Variants in MARCO observed in about 807,000 individuals in gnomAD.
MARCO encodes the protein macrophage receptor MARCO.
A neutral mutation model predicts 70.0 loss-of-function variants in MARCO; 72 were observed. The observed-to-expected ratio is 1.03, with a 90% CI of 0.85 to 1.25. The LOEUF (loss-of-function observed/expected upper bound fraction) is 1.25. Among genes scored for constraint, MARCO ranks in the 50% most tolerant of loss-of-function variants. The pLI is 0.00. For missense variants in MARCO, 696 were observed against 659.3 expected (o/e 1.06, Z -0.61); for synonymous variants, 273 against 243.1 (o/e 1.12, Z -1.14).
chr2:118,986,726 G>GAA (rs138583493), intron 12 of MARCO, among the ~76,000 whole-genome samples: 4 of 107,744 alleles, frequency 3.7e-5, no homozygotes, highest in Middle Eastern at 4.3e-3. Context: ...AGAAAGAAAA[G>GAA]AAAGAAAGAA....
intron 1 of MARCO, among the ~76,000 whole-genome samples, chr2:118,954,398 C>T (rs112558042): frequency 1.5e-3 from 231 of 152,284 alleles, no homozygotes; most frequent in African/African-American, 5.4e-3. Context: ...CTATCCCCCA[C>T]GGCAGCTGCA....
At chr2:118,974,291 C>T (rs866045036) in intron 4 of MARCO, 42 bp from the exon 5 acceptor site, 1 of 1,197,750 alleles carries the variant, frequency 8.3e-7, no homozygotes, top group Non-Finnish European at 1.2e-6. Context: ...GTTGCCCCAT[C>T]CTGTTGACTG....
At chr2:118,959,538 G>A (rs1380650210) in intron 1 of MARCO, among the ~76,000 whole-genome samples, 1 of 152,152 alleles carries the variant, frequency 6.6e-6, no homozygotes, top group African/African-American at 2.4e-5. Context: ...CTGCTGGTAG[G>A]AATGTAAACT....
At chr2:118,964,858 A>AGC (rs1456178167) in intron 1 of MARCO, among the ~76,000 whole-genome samples, 1 of 149,906 alleles carries the variant, frequency 6.7e-6, no homozygotes, top group Non-Finnish European at 1.5e-5. Context: ...AGTACACTCC[A>AGC]GCCTGGGCGA....
intron 1 of MARCO, among the ~76,000 whole-genome samples, chr2:118,964,559 C>T (rs1680007506): frequency 6.6e-6 from 1 of 152,144 alleles, no homozygotes; most frequent in South Asian, 2.1e-4. Flanking sequence ...CATCTGTTCT[C>T]CATAGTTTCT....
chr2:118,993,004 T>C, intron 15 of MARCO, 120 bp from the exon 16 acceptor site: 2 of 914,874 alleles, frequency 2.2e-6, no homozygotes, highest in Non-Finnish European at 3.4e-6. Context: ...CTGGTGACAG[T>C]CAAGCAGGGG....
At chr2:118,970,687 G>T (rs1431975485) in intron 3 of MARCO, among the ~76,000 whole-genome samples, 1 of 152,182 alleles carries the variant, frequency 6.6e-6, no homozygotes, top group Admixed American at 6.5e-5. Context: ...CTGGGGGAAA[G>T]GTGGTGACTT....
At chr2:118,984,400 A>G (rs1335065690) in intron 12 of MARCO, among the ~76,000 whole-genome samples, 1 of 152,162 alleles carries the variant, frequency 6.6e-6, no homozygotes, top group Non-Finnish European at 1.5e-5. Context: ...TCTGCTGAAT[A>G]CCCTTATGGA....
At chr2:118,994,318 C>A in intron 16 of MARCO, 69 bp from the exon 17 acceptor site, 2 of 1,576,776 alleles carry the variant, frequency 1.3e-6, no homozygotes, top group Non-Finnish European at 1.7e-6. Context: ...CCCAGGCGCA[C>A]ACGTGGCTTC....
rs760018989 is a variant in MARCO, at chr2:118,977,511, C to T, written c.654C>T (p.Ala218=). The change falls in exon 7 of 17, where the codon GCC becomes GCT. Residue 218 remains alanine, a synonymous_variant. Transcript: ENST00000327097. ...AGGGTGCTCCAGGGAAGCAAGGAGC[C>T]ACTGGTAACTTGTACTTGCTCTGCT... ...GPQGAPGKQG[A]TGTPGPQGEK... 6.2e-7 allele frequency: 1 copy of T among 1,613,792 alleles called. No homozygotes were observed. Among genetic ancestry groups the T allele is most frequent in the Non-Finnish European group, 8.5e-7 (1 of 1,179,816 alleles).
At chr2:118,990,138 A>T (rs1166167785) in intron 12 of MARCO, among the ~76,000 whole-genome samples, 1 of 152,166 alleles carries the variant, frequency 6.6e-6, no homozygotes, top group African/African-American at 2.4e-5. Context: ...ACCAACAAAT[A>T]CTTGAAGAGC....
chr2:118,971,031 T>C (rs1305550722), intron 3 of MARCO, among the ~76,000 whole-genome samples: 2 of 152,118 alleles, frequency 1.3e-5, no homozygotes, highest in Non-Finnish European at 2.9e-5. Flanking sequence ...GGCCAATCCC[T>C]CCAGAGGCTG....
At chr2:118,988,518 G>A (rs1374238644) in intron 12 of MARCO, among the ~76,000 whole-genome samples, 1 of 152,062 alleles carries the variant, frequency 6.6e-6, no homozygotes, top group Admixed American at 6.5e-5. Context: ...CCTTCTATCT[G>A]CATCCCAGAG....
chr2:118,979,775 T>C (rs1223449310), intron 8 of MARCO, among the ~76,000 whole-genome samples: 4 of 152,208 alleles, frequency 2.6e-5, no homozygotes, highest in African/African-American at 9.7e-5. Flanking sequence ...CTCTTACCCA[T>C]GGCTTGCTCA....
intron 4 of MARCO, among the ~76,000 whole-genome samples, chr2:118,973,050 T>C (rs529549832): frequency 1.1e-4 from 17 of 151,782 alleles, no homozygotes; most frequent in Non-Finnish European, 1.8e-4. Flanking sequence ...TGTATGTACA[T>C]AGAGAAAAAC....
At chr2:118,992,032 G>A (rs1238719671) in intron 14 of MARCO, among the ~76,000 whole-genome samples, 157 bp downstream of exon 14, 1 of 152,168 alleles carries the variant, frequency 6.6e-6, no homozygotes, top group Non-Finnish European at 1.5e-5. Context: ...TCTTGTGCTG[G>A]GGCTTGCCCT....
Position 118,990,559 on chromosome 2 carries a change from T to A in MARCO, c.1064-30T>A, listed in dbSNP as rs554218894. On this transcript the variant is annotated intron_variant, in intron 12 of 16. Transcript: ENST00000327097. Reference sequence around the variant, plus strand: ...CTAATACCTAAGTTTTATTATCTCCTCCCCCCCCCCTTTTTTGTTTTGATC... The same window carrying A: ...CTAATACCTAAGTTTTATTATCTCCACCCCCCCCCCTTTTTTGTTTTGATC... The A allele has an allele frequency of 1.5e-5, 20 of 1,308,982 alleles. No homozygotes were observed. The African/African-American group carries it at 1.6e-4, about 11-fold the overall frequency. The allele number at this position is 1,308,982 out of a possible 1,614,324, so 81.1% of individuals were successfully genotyped here. A position where few individuals can be genotyped will look rare whatever the true frequency, so the allele number is the denominator to read the frequency against.
At chr2:118,980,239 A>G (rs545864221) in intron 8 of MARCO, among the ~76,000 whole-genome samples, 193 of 152,320 alleles carry the variant, frequency 1.3e-3, no homozygotes, top group African/African-American at 4.4e-3. Context: ...GGACACTCTG[A>G]ACGGCCAAGA....
At chr2:118,964,582 T>C (rs762360219) in intron 1 of MARCO, among the ~76,000 whole-genome samples, 5 of 152,198 alleles carry the variant, frequency 3.3e-5, no homozygotes, top group African/African-American at 4.8e-5. Flanking sequence ...TGAGAAACTT[T>C]CTGTCATTCA....
Sources: gnomAD v4.1 joint callset for allele counts (sites outside exome capture counted in the v4.1 genomes callset) on GRCh38, gnomAD v4.1.1 for gene constraint, MANE v1.5 for transcripts, NCBI Gene and HGNC (gene_info 2026-07-23, HGNC 2026-07-21) for gene names.